ZNF615: variants seen among roughly 807,000 people sequenced by gnomAD.
The protein encoded by ZNF615 is zinc finger protein 615.
A neutral mutation model predicts 15.3 loss-of-function variants in ZNF615; 15 were observed. That is an observed-to-expected ratio of 0.98 (90% CI 0.66 to 1.51). The LOEUF is 1.51. Among genes scored for constraint, ZNF615 ranks in the 40% most tolerant of loss-of-function variants. The pLI, the probability that ZNF615 is intolerant of heterozygous loss-of-function variation, is 0.00. For synonymous variants in ZNF615, 268 were observed against 294.6 expected, an observed-to-expected ratio of 0.91 and a Z score of 0.92; for missense variants, 848 against 895.9, an observed-to-expected ratio of 0.95 and a Z score of 0.68.
chr19:51,993,089 G>T lies in ZNF615; in HGVS notation c.2020C>A (p.Arg674Ser), dbSNP rs149225392. Reference protein sequence around the residue: ...ACTECGKFSLRKNDLITHQRI... With the variant: ...ACTECGKFSLSKNDLITHQRI... ...TGATGTGTAATAAGATCATTTTTGC[G>T]CAAAGAGAATTTTCCACATTCAGTA... Residue 674 changes from arginine to serine, a missense_variant, in exon 7 of 7, where the codon CGC (arginine) becomes AGC (serine). Coordinates refer to ENST00000598071, the MANE Select transcript of ZNF615 (RefSeq NM_001199324.2). 6.2e-7 allele frequency: 1 copy of T among 1,614,078 alleles called. No homozygotes were observed. The highest frequency in any genetic ancestry group is 1.1e-5 in the South Asian group (1 of 91,074).
Position 52,002,444 on chromosome 19 carries a change from T to G in ZNF615, c.16-163A>C, listed in dbSNP as rs200133761. On this transcript the variant is annotated intron_variant, in intron 3 of 6. Coordinates refer to ENST00000598071, the MANE Select transcript of ZNF615 (RefSeq NM_001199324.2). ...GAATTCCAGTAAAATATTCTGTAAC[T>G]GTGCGGTCATCCATTCATTCAACAA... is the stretch of plus-strand genomic sequence containing the variant. 1.0e-5 allele frequency: 10 copies of G among 989,286 alleles called. No homozygotes were observed. The Admixed American group carries it at 1.9e-4, about 19-fold the overall frequency. The allele number at this position is 989,286 out of a possible 1,614,324, so 61.3% of individuals were successfully genotyped here.
intron 1 of ZNF615, chr19:52,007,809 C>T: frequency 3.3e-6 from 1 of 306,002 alleles, no homozygotes; most frequent in Non-Finnish European, 6.1e-6. Context: ...AATCACTGAG[C>T]CCCGCCAAAG....
intron 6 of ZNF615, 76 bp downstream of exon 6, chr19:52,000,270 T>C (rs911422848): frequency 6.2e-5 from 34 of 545,730 alleles, no homozygotes; most frequent in Non-Finnish European, 1.0e-4. Context: ...TATTTGGTAC[T>C]ATGTTCACTA....
chr19:51,998,858 T>A (rs1406244008), intron 6 of ZNF615, among the ~76,000 whole-genome samples: 2 of 152,196 alleles, frequency 1.3e-5, no homozygotes, highest in Non-Finnish European at 2.9e-5. Flanking sequence ...TTTCACCATG[T>A]TGGCCAGGCT....
intron 5 of ZNF615, 146 bp downstream of exon 5, chr19:52,001,667 T>A (rs2903709): frequency 1.5e-5 from 9 of 592,170 alleles, no homozygotes; most frequent in South Asian, 4.1e-5. Flanking sequence ...TTCCATACTA[T>A]AACAAAAAAG....
chr19:52,007,371 G>A (rs776004534), intron 1 of ZNF615, 41 bp from the exon 2 acceptor site: 17 of 1,217,420 alleles, frequency 1.4e-5, no homozygotes, highest in Non-Finnish European at 1.8e-5. Context: ...GAAACTTGCA[G>A]GACAAAGGGT....
Position 51,996,839 on chromosome 19 carries a change from A to G in ZNF615, c.272-2002T>C, listed in dbSNP as rs150782799. Among the ~76,000 whole-genome samples the G allele has an allele frequency of 7.5e-4, 114 of 152,346 alleles. 2 individuals carry two copies. The East Asian group carries it at 0.021, about 28-fold the overall frequency. On this transcript the variant is annotated intron_variant, in intron 6 of 6. Transcript: ENST00000598071. ...CAGGTGTACAAAACAAACATCTAGG[A>G]GTGGTAAGAATGTAATAGCCTCTTG...
Position 51,992,713 on chromosome 19 carries a change from T to C in ZNF615, c.*167A>G, listed in dbSNP as rs2086268462. 1.2e-6 allele frequency: 1 copy of C among 866,440 alleles called. No homozygotes were observed. Among genetic ancestry groups the C allele is most frequent in the Non-Finnish European group, 1.8e-6 (1 of 563,506 alleles). The allele number at this position is 866,440 out of a possible 1,614,324, so 53.7% of individuals were successfully genotyped here. A position where few individuals can be genotyped will look rare whatever the true frequency, so the allele number is the denominator to read the frequency against. On this transcript the variant is annotated 3_prime_UTR_variant, in exon 7 of 7. Coordinates refer to ENST00000598071, the MANE Select transcript of ZNF615 (RefSeq NM_001199324.2). Reference sequence around the variant, plus strand: ...TTTCTCAGTATACAATTTTTAGACATAATGTCCTAAAATATTTTCTCAAAT... The same window carrying C: ...TTTCTCAGTATACAATTTTTAGACACAATGTCCTAAAATATTTTCTCAAAT...
chr19:52,001,977 T>TA, intron 4 of ZNF615, 69 bp from the exon 5 acceptor site: 5 of 1,602,030 alleles, frequency 3.1e-6, no homozygotes, highest in East Asian at 2.2e-5. Flanking sequence ...AAAGGAGAGT[T>TA]ACATTTTAAG....
In ZNF615 at chr19:51,991,830, C is replaced by A. The variant is rs1271235858; in HGVS notation, c.*1050G>T. 2 of 152,066 alleles carry A rather than the reference C, an allele frequency of 1.3e-5. No individual in the cohort carries two copies. Among genetic ancestry groups the A allele is most frequent in the African/African-American group, 4.8e-5 (2 of 41,384 alleles). The allele number at this position is 152,066 out of a possible 1,614,324, so 9.4% of individuals were successfully genotyped here. On this transcript the variant is annotated 3_prime_UTR_variant, in exon 7 of 7. Coordinates refer to ENST00000598071, the MANE Select transcript of ZNF615 (RefSeq NM_001199324.2). The stretch of plus-strand genomic sequence containing the variant: ...AATTCTGTAGTTAACAGTATTGTAA[C>A]AATTTCACTTTCCTGTATTTGGTAA...
intron 4 of ZNF615, 96 bp from the exon 5 acceptor site, chr19:52,002,004 G>C: frequency 1.3e-6 from 2 of 1,596,552 alleles, no homozygotes; most frequent in Non-Finnish European, 1.7e-6. Context: ...ATAGGTATCA[G>C]ATCTGTAACA....
rs2086808040 is a variant in ZNF615 at position 52,008,156 on chromosome 19, G to A, written c.-243C>T. ...CTGAACTTACTTCCCAGAACTTGGT[G>A]GGCTCCGGCCTCATCTCTCGGCCTC... On this transcript the variant is annotated 5_prime_UTR_variant, in exon 1 of 7. Coordinates refer to ENST00000598071, the MANE Select transcript of ZNF615 (RefSeq NM_001199324.2). 4 of 1,535,488 alleles carry A rather than the reference G, an allele frequency of 2.6e-6. No homozygotes were observed. Among genetic ancestry groups the A allele is most frequent in the Admixed American group, 3.9e-5 (2 of 50,976 alleles).
rs535059812 is a variant in ZNF615, at chr19:51,991,531, A to T, written c.*1349T>A. 1 of 152,360 alleles carries T rather than the reference A, an allele frequency of 6.6e-6. No homozygotes were observed. Among genetic ancestry groups the T allele is most frequent in the African/African-American group, 2.4e-5 (1 of 41,592 alleles). 9.4% of individuals were successfully genotyped at this position (152,360 alleles called of 1,614,324 possible). ...TAATCTGCTTTAGTTGAAATAGCCA[A>T]TACCAAAAGGGTACATGCTGTATGA... On this transcript the variant is annotated 3_prime_UTR_variant, in exon 7 of 7. Transcript: ENST00000598071.
chr19:51,994,125 T>A lies in ZNF615; in HGVS notation c.984A>T (p.Gly328=), dbSNP rs145867400. The change falls in exon 7 of 7, where the codon GGA becomes GGT. Residue 328 remains glycine, a synonymous_variant. Transcript: ENST00000598071. ...QRTHTGEKPH[G]CSVCGKAFST... ...AGAAGGCCTTCCCACATACACTGCA[T>A]CCATGGGGTTTCTCTCCTGTATGAG... 1.8e-5 allele frequency: 29 copies of A among 1,613,876 alleles called. No homozygotes were observed. Among genetic ancestry groups the A allele is most frequent in the Non-Finnish European group, 2.5e-5 (29 of 1,180,006 alleles).
chr19:51,993,911 T>A lies in ZNF615; in HGVS notation c.1198A>T (p.Thr400Ser). The change falls in exon 7 of 7, where the codon ACA becomes TCA. Residue 400 changes from threonine to serine, a missense_variant. Physicochemically the swap from Thr to Ser is moderately conservative, Grantham distance 58 (BLOSUM62 1). Coordinates refer to ENST00000598071, the MANE Select transcript of ZNF615 (RefSeq NM_001199324.2). ...TCTCCTGTATGAGTTTGCTGATGTGTGATAAGACTGTTCTTCAAGGTGAAG... is the reference window on the plus strand; with the variant it reads ...TCTCCTGTATGAGTTTGCTGATGTGAGATAAGACTGTTCTTCAAGGTGAAG... ...KGFTLKNSLITHQQTHTGEKL... is the reference protein window; with the variant it reads ...KGFTLKNSLISHQQTHTGEKL... 1 of 1,614,122 alleles carries A rather than the reference T, an allele frequency of 6.2e-7. No homozygotes were observed. Among genetic ancestry groups the A allele is most frequent in the Non-Finnish European group, 8.5e-7 (1 of 1,180,024 alleles).
chr19:51,994,394 C>T lies in ZNF615; in HGVS notation c.715G>A (p.Gly239Arg), dbSNP rs1322234971. ...QFIDHQRVHT[G>R]EKPHVCSMCG... is the part of the protein sequence containing the mutation. ...ATACTGCATACATGAGGTTTTTCTC[C>T]AGTGTGAACTCTCTGATGATCAATA... Residue 239 changes from glycine (G) to arginine (R), a missense_variant, in exon 7 of 7, where the codon GGA becomes AGA. By Grantham distance (125) the Gly-to-Arg change is moderately radical. Coordinates refer to ENST00000598071, the MANE Select transcript of ZNF615 (RefSeq NM_001199324.2). 2 of 1,614,108 alleles carry T rather than the reference C, an allele frequency of 1.2e-6. No homozygotes were observed. Among genetic ancestry groups the T allele is most frequent in the South Asian group, 2.2e-5 (2 of 91,078 alleles).
chr19:51,994,083 G>A lies in ZNF615; in HGVS notation c.1026C>T (p.Leu342=), dbSNP rs2086340569. The A allele has an allele frequency of 5.0e-6, 8 of 1,614,062 alleles. No individual in the cohort carries two copies. The highest frequency in any genetic ancestry group is 2.2e-5 in the East Asian group (1 of 44,880). ...CTGTATGAGTTTTCTGATGTGTAGT[G>A]AGACTGAACTTTGTAGAGAAGGCCT... ...CGKAFSTKFS[L]TTHQKTHTGE... Residue 342 remains leucine (L), a synonymous_variant, in exon 7 of 7, where the codon CTC becomes CTT. Coordinates refer to ENST00000598071, the MANE Select transcript of ZNF615 (RefSeq NM_001199324.2).
chr19:52,000,369 C>A lies in ZNF615; in HGVS notation c.248G>T (p.Gly83Val). The A allele has an allele frequency of 3.2e-6, 2 of 624,968 alleles. No homozygotes were observed. The highest frequency in any genetic ancestry group is 3.9e-5 in the South Asian group (2 of 51,782). 38.7% of individuals were successfully genotyped at this position (624,968 alleles called of 1,614,324 possible). A position where few individuals can be genotyped will look rare whatever the true frequency, so the allele number is the denominator to read the frequency against. Residue 83 changes from glycine to valine, a missense_variant, in exon 6 of 7, where the codon GGT becomes GTT. Gly to Val is a moderately radical substitution (Grantham distance 109). Transcript: ENST00000598071. ...ACCTGCATATGCACCTCCTGATGCA[C>A]CTCCTGAATCTAAAATAAAAACATA... is the stretch of plus-strand genomic sequence containing the variant. Reference protein sequence around the residue: ...IYSRICSDSGGASGGAYAEIR... With the variant: ...IYSRICSDSGVASGGAYAEIR...
At chr19:52,005,900 A>G (rs2086739432) in intron 2 of ZNF615, among the ~76,000 whole-genome samples, 1 of 152,244 alleles carries the variant, frequency 6.6e-6, no homozygotes, top group African/African-American at 2.4e-5. Context: ...TCCTTTAGTC[A>G]GGTGGCTGGA....
Sources: gnomAD v4.1 joint callset for allele counts (sites outside exome capture counted in the v4.1 genomes callset) on GRCh38, gnomAD v4.1.1 for gene constraint, MANE v1.5 for transcripts, NCBI Gene and HGNC (gene_info 2026-07-23, HGNC 2026-07-21) for gene names.